Variants in C1QTNF7 observed in about 807,000 individuals in gnomAD.
The protein encoded by C1QTNF7 is C1q and TNF related 7.
Under a neutral mutation model 19.6 loss-of-function variants are expected in C1QTNF7, and 15 were observed. The observed-to-expected ratio is 0.76, with a 90% confidence interval of 0.51 to 1.18. The LOEUF is 1.18. Among genes scored for constraint, C1QTNF7 ranks in the 50% most tolerant of loss-of-function variants. The pLI, the probability that C1QTNF7 is intolerant of heterozygous loss-of-function variation, is 0.00. For synonymous variants in C1QTNF7, 142 were observed against 137.5 expected (o/e 1.03, Z -0.23); for missense variants, 324 against 359.7 (o/e 0.90, Z 0.80).
intron 1 of C1QTNF7, among the ~76,000 whole-genome samples, chr4:15,395,004 AAAGAG>A (rs1718732179): frequency 6.6e-6 from 1 of 152,226 alleles, no homozygotes; most frequent in Admixed American, 6.5e-5. Flanking sequence ...AATGCCATTG[AAAGAG>A]AAGTTTTATA....
chr4:15,351,044 C>T lies in C1QTNF7; in HGVS notation c.13+10837C>T, dbSNP rs565726917. ...GCAACTTCTCAACTCCATTTCCTTG[C>T]TATAAAAAATGAAGATAATAGTATC... On this transcript the variant is annotated intron_variant, in intron 1 of 2. Transcript: ENST00000295297. 3.9e-5 allele frequency among the ~76,000 whole-genome samples: 6 copies of T among 152,208 alleles called. No individual in the cohort carries two copies. In the South Asian group the frequency reaches 1.2e-3, roughly 32 times the overall value.
At chr4:15,401,474 G>A (rs1004916042) in intron 1 of C1QTNF7, among the ~76,000 whole-genome samples, 1 of 152,140 alleles carries the variant, frequency 6.6e-6, no homozygotes, top group Non-Finnish European at 1.5e-5. Context: ...ATAGCTGGAG[G>A]CATCTCATCA....
chr4:15,417,034 A>T (rs1719630126), intron 1 of C1QTNF7, among the ~76,000 whole-genome samples: 1 of 152,228 alleles, frequency 6.6e-6, no homozygotes, highest in African/African-American at 2.4e-5. Context: ...TGTTATAAAG[A>T]AATTTAAAAA....
chr4:15,356,779 A>G (rs1237382600), intron 1 of C1QTNF7, among the ~76,000 whole-genome samples: 1 of 152,046 alleles, frequency 6.6e-6, no homozygotes, highest in African/African-American at 2.4e-5. Flanking sequence ...TTTCTTTTTA[A>G]CGATTGCCAT....
chr4:15,346,025 A>G (rs995078220), intron 1 of C1QTNF7, among the ~76,000 whole-genome samples: 1 of 152,198 alleles, frequency 6.6e-6, no homozygotes, highest in African/African-American at 2.4e-5. Flanking sequence ...CTGTTGCTAA[A>G]TGCAATCTGG....
chr4:15,377,728 G>C (rs1717993249), intron 1 of C1QTNF7, among the ~76,000 whole-genome samples: 1 of 152,112 alleles, frequency 6.6e-6, no homozygotes, highest in Non-Finnish European at 1.5e-5. Context: ...ATCATTTCTT[G>C]TGATGTCATG....
intron 1 of C1QTNF7, among the ~76,000 whole-genome samples, chr4:15,431,991 G>C (rs1295277951): frequency 6.6e-6 from 1 of 152,216 alleles, no homozygotes; most frequent in African/African-American, 2.4e-5. Flanking sequence ...GTGACAAGAT[G>C]CCATTTGAGC....
At chr4:15,430,028 C>G (rs1394086518) in intron 1 of C1QTNF7, among the ~76,000 whole-genome samples, 1 of 152,108 alleles carries the variant, frequency 6.6e-6, no homozygotes, top group African/African-American at 2.4e-5. Context: ...CTGAGTTAAT[C>G]AGTATTTCTC....
At chr4:15,349,926 C>T (rs534030312) in intron 1 of C1QTNF7, among the ~76,000 whole-genome samples, 1 of 151,998 alleles carries the variant, frequency 6.6e-6, no homozygotes, top group East Asian at 1.9e-4. Context: ...TAAAGGAAAT[C>T]TGTAACTCTT....
At chr4:15,356,540 A>G (rs536418823) in intron 1 of C1QTNF7, among the ~76,000 whole-genome samples, 10 of 152,314 alleles carry the variant, frequency 6.6e-5, no homozygotes, top group African/African-American at 2.4e-4. Flanking sequence ...GCTATTGTGA[A>G]TAGTGCTGTA....
intron 1 of C1QTNF7, among the ~76,000 whole-genome samples, chr4:15,378,316 C>T (rs1718018412): frequency 1.3e-5 from 2 of 152,214 alleles, no homozygotes; most frequent in Non-Finnish European, 2.9e-5. Context: ...ATTAACTGCA[C>T]AGCTGGAGTA....
At chr4:15,411,846 C>G (rs1379997278) in intron 1 of C1QTNF7, among the ~76,000 whole-genome samples, 4 of 152,130 alleles carry the variant, frequency 2.6e-5, no homozygotes, top group Non-Finnish European at 5.9e-5. Flanking sequence ...GTTTCCTTGC[C>G]TTTTCTATCT....
chr4:15,421,951 G>A (rs968675164), intron 1 of C1QTNF7, among the ~76,000 whole-genome samples: 19 of 152,242 alleles, frequency 1.2e-4, no homozygotes, highest in South Asian at 4.1e-4. Flanking sequence ...CATATTGTAA[G>A]ATTCTATTTA....
At chr4:15,368,395 C>T (rs1577239235) in intron 1 of C1QTNF7, among the ~76,000 whole-genome samples, 1 of 152,086 alleles carries the variant, frequency 6.6e-6, no homozygotes, top group South Asian at 2.1e-4. Flanking sequence ...CACCCATTAA[C>T]TCGTCATTTA....
chr4:15,370,785 AT>A (rs1440309599), intron 1 of C1QTNF7, among the ~76,000 whole-genome samples: 3 of 152,126 alleles, frequency 2.0e-5, no homozygotes, highest in Non-Finnish European at 4.4e-5. Context: ...TTTTCGTAGG[AT>A]TTTTTTCCAG....
At chr4:15,422,126 T>G (rs1428512548) in intron 1 of C1QTNF7, among the ~76,000 whole-genome samples, 9 of 151,362 alleles carry the variant, frequency 5.9e-5, no homozygotes, top group Admixed American at 2.6e-4. Flanking sequence ...ATTGCATACA[T>G]TGGCCAAAAA....
chr4:15,353,553 C>T (rs1339203042), intron 1 of C1QTNF7, among the ~76,000 whole-genome samples: 1 of 152,092 alleles, frequency 6.6e-6, no homozygotes, highest in African/African-American at 2.4e-5. Flanking sequence ...GAGACATGGG[C>T]AAGGTTGCCA....
At chr4:15,380,223 A>G (rs892281103) in intron 1 of C1QTNF7, among the ~76,000 whole-genome samples, 13 of 152,242 alleles carry the variant, frequency 8.5e-5, no homozygotes, top group African/African-American at 3.1e-4. Context: ...TATTAAGTGT[A>G]TCAGCTAGGA....
rs202187712 is a variant in C1QTNF7, at chr4:15,411,213, A to AT, written c.14-24519dup. ...CCTAAACATATACTAACTTTTTCCCATTTTCTGGAAGGCACACTGAGGCAT... is the reference window on the plus strand; with the variant it reads ...CCTAAACATATACTAACTTTTTCCCATTTTTCTGGAAGGCACACTGAGGCAT... On this transcript the variant is annotated intron_variant, in intron 1 of 2. Coordinates refer to the C1QTNF7 transcript ENST00000295297. 3.3e-3 allele frequency among the ~76,000 whole-genome samples: 509 copies of AT among 152,152 alleles called. 4 individuals carry two copies. Among genetic ancestry groups the AT allele is most frequent in the African/African-American group, 0.011 (471 of 41,504 alleles).
Sources: allele counts gnomAD v4.1 joint callset (sites outside exome capture counted in the v4.1 genomes callset), GRCh38; gene constraint gnomAD v4.1.1; transcripts MANE v1.5; gene names NCBI Gene and HGNC (gene_info 2026-07-23, HGNC 2026-07-21).